Variants in RBFOX2 observed in about 807,000 individuals in gnomAD.
RBFOX2 encodes the protein RNA binding protein fox-1 homolog 2.
RBFOX2 carries 10 observed loss-of-function variants against 49.1 expected under a neutral mutation model. That is an observed-to-expected ratio of 0.20 (90% CI 0.13 to 0.35). RBFOX2 has a LOEUF of 0.35. Among genes scored for constraint, RBFOX2 ranks in the 10% least tolerant of loss-of-function variants. The pLI is 1.00. For missense variants in RBFOX2, 323 were observed against 486.9 expected (o/e 0.66, Z 3.17); for synonymous variants, 183 against 187.4 (o/e 0.98, Z 0.19).
intron 2 of RBFOX2, among the ~76,000 whole-genome samples, chr22:35,801,421 C>T (rs1949755707): frequency 6.8e-6 from 1 of 146,322 alleles, no homozygotes; most frequent in African/African-American, 2.7e-5. Context: ...TCTCTATATA[C>T]AACACATACA....
At chr22:35,887,400 A>G (rs1312640175) in intron 1 of RBFOX2, among the ~76,000 whole-genome samples, 1 of 152,064 alleles carries the variant, frequency 6.6e-6, no homozygotes, top group Non-Finnish European at 1.5e-5. Context: ...GTCATGGGCT[A>G]TTCTCAGCAA....
At chr22:36,003,965 A>G (rs535060861) in intron 1 of RBFOX2, among the ~76,000 whole-genome samples, 156 of 151,766 alleles carry the variant, frequency 1.0e-3, no homozygotes, top group Non-Finnish European at 1.7e-3. Flanking sequence ...ATTGTGGGAG[A>G]CTCTCTTGTG....
chr22:35,795,612 G>C (rs918259092), intron 2 of RBFOX2, among the ~76,000 whole-genome samples: 2 of 145,646 alleles, frequency 1.4e-5, no homozygotes, highest in Middle Eastern at 3.3e-3. Flanking sequence ...CTCCAGAGAA[G>C]GGGTGTGTAG....
At chr22:35,805,883 G>A (rs999669268) in intron 2 of RBFOX2, among the ~76,000 whole-genome samples, 1 of 152,142 alleles carries the variant, frequency 6.6e-6, no homozygotes, top group Non-Finnish European at 1.5e-5. Context: ...TCAGAAAAAA[G>A]CTACATACTG....
chr22:35,872,581 C>T (rs756536732), intron 1 of RBFOX2, among the ~76,000 whole-genome samples: 2 of 152,156 alleles, frequency 1.3e-5, no homozygotes, highest in African/African-American at 2.4e-5. Flanking sequence ...CCCTAGAGTT[C>T]GGCTGCTCAG....
intron 1 of RBFOX2, among the ~76,000 whole-genome samples, chr22:35,968,239 G>T (rs973204595): frequency 1.3e-5 from 2 of 152,194 alleles, no homozygotes; most frequent in Non-Finnish European, 2.9e-5. Context: ...AAGTTGAAAG[G>T]GTTAGTTAAG....
chr22:35,992,413 A>G (rs1405971458), intron 1 of RBFOX2: 2 of 152,222 alleles, frequency 1.3e-5, no homozygotes, highest in Non-Finnish European at 2.9e-5. Context: ...GAGTTCTTTA[A>G]GTCTCTGTCC....
chr22:35,954,720 C>T (rs1435684222), intron 1 of RBFOX2, among the ~76,000 whole-genome samples: 1 of 152,220 alleles, frequency 6.6e-6, no homozygotes, highest in Non-Finnish European at 1.5e-5. Flanking sequence ...GTTTATGTGT[C>T]TGCAACTTGG....
chr22:35,984,308 C>T (rs1367563051), intron 1 of RBFOX2, among the ~76,000 whole-genome samples: 3 of 152,150 alleles, frequency 2.0e-5, no homozygotes, highest in South Asian at 2.1e-4. Flanking sequence ...GATTCTAACG[C>T]ACAGTTGGCT....
chr22:35,814,552 T>A (rs562046799), intron 1 of RBFOX2, among the ~76,000 whole-genome samples: 13 of 145,810 alleles, frequency 8.9e-5, no homozygotes, highest in African/African-American at 3.3e-4. Flanking sequence ...CCACAAAAAA[T>A]TTTTAAAAAT....
intron 1 of RBFOX2, among the ~76,000 whole-genome samples, chr22:35,862,247 A>T (rs2043173524): frequency 2.0e-5 from 3 of 152,178 alleles, no homozygotes. Flanking sequence ...AAACCTAACA[A>T]ATTAATTTTA....
chr22:35,774,739 A>T (rs1943476889), intron 4 of RBFOX2, among the ~76,000 whole-genome samples: 1 of 152,224 alleles, frequency 6.6e-6, no homozygotes, highest in Non-Finnish European at 1.5e-5. Context: ...GAATACTGGC[A>T]GACAAGGAGG....
chr22:35,810,062 T>G (rs1215533514), intron 1 of RBFOX2, 58 bp from the exon 3 acceptor site: 1 of 1,526,980 alleles, frequency 6.5e-7, no homozygotes, highest in Non-Finnish European at 9.0e-7. Flanking sequence ...ACGTAACTAT[T>G]TTTAAAGTGA....
chr22:35,773,697 T>C (rs1943234409), intron 4 of RBFOX2, among the ~76,000 whole-genome samples: 1 of 152,132 alleles, frequency 6.6e-6, no homozygotes, highest in African/African-American at 2.4e-5. Context: ...AATATTTTAA[T>C]ACATATCCAT....
chr22:35,827,241 G>A (rs1955954376), intron 1 of RBFOX2, among the ~76,000 whole-genome samples: 1 of 152,138 alleles, frequency 6.6e-6, no homozygotes, highest in African/African-American at 2.4e-5. Flanking sequence ...AGTCCGGAGT[G>A]CCCCTATCTT....
chr22:36,001,256 A>C (rs1260721659), intron 1 of RBFOX2, among the ~76,000 whole-genome samples: 1 of 151,936 alleles, frequency 6.6e-6, no homozygotes, highest in East Asian at 1.9e-4. Flanking sequence ...ACATGTACAC[A>C]TACATGTATA....
At chr22:35,760,184 T>C (rs1938284074) in intron 8 of RBFOX2, 164 bp from the exon 10 acceptor site, 1 of 855,614 alleles carries the variant, frequency 1.2e-6, no homozygotes, top group Non-Finnish European at 1.8e-6. Flanking sequence ...CCTGGGTCTC[T>C]CAGTGGGGAA....
At chr22:35,742,861 G>C (rs1930636078) in exon 12 of RBFOX2, 1 of 152,660 alleles carries the variant, frequency 6.6e-6, no homozygotes, top group Admixed American at 6.5e-5. Flanking sequence ...TTTATGTCCT[G>C]TAGTGTTAAT....
chr22:35,901,191 A>C (rs1169909869), intron 1 of RBFOX2, among the ~76,000 whole-genome samples: 1 of 152,218 alleles, frequency 6.6e-6, no homozygotes, highest in East Asian at 1.9e-4. Flanking sequence ...GTGAATAAAG[A>C]GCCAAAAGTT....
Sources: allele counts gnomAD v4.1 joint callset (sites outside exome capture counted in the v4.1 genomes callset), GRCh38; gene constraint gnomAD v4.1.1; transcripts MANE v1.5; gene names NCBI Gene and HGNC (gene_info 2026-07-23, HGNC 2026-07-21).